Variants in WAPL observed in about 807,000 individuals in gnomAD.
WAPL encodes the protein wings apart-like protein homolog.
WAPL carries 5 observed loss-of-function variants against 121.0 expected under a neutral mutation model. That is an observed-to-expected ratio of 0.04 (90% CI 0.02 to 0.09). The LOEUF (loss-of-function observed/expected upper bound fraction) is 0.09. Ranked by LOEUF, WAPL falls within the 10% of genes least tolerant of loss-of-function variation. The probability of loss-of-function intolerance (pLI) is 1.00; values close to 1 mark genes in which losing one functional copy is unlikely to be tolerated. For synonymous variants in WAPL, 480 were observed against 481.5 expected (o/e 1.00, Z 0.04); for missense variants, 999 against 1,410.8 (o/e 0.71, Z 4.68).
chr10:86,515,798 T>G (rs1387666286), intron 2 of WAPL, among the ~76,000 whole-genome samples: 1 of 151,284 alleles, frequency 6.6e-6, no homozygotes, highest in African/African-American at 2.4e-5. Flanking sequence ...AAAAGTTTGA[T>G]GATTTTAATA....
At chr10:86,446,077 A>G (rs1849610508) in intron 16 of WAPL, among the ~76,000 whole-genome samples, 165 bp downstream of exon 16, 1 of 152,198 alleles carries the variant, frequency 6.6e-6, no homozygotes, top group Admixed American at 6.5e-5. Context: ...TCACTGTGGG[A>G]GAACTACCAC....
intron 2 of WAPL, among the ~76,000 whole-genome samples, chr10:86,508,455 A>G (rs1842392266): frequency 6.6e-6 from 1 of 151,926 alleles, no homozygotes; most frequent in Non-Finnish European, 1.5e-5. Context: ...ACATCCCTCT[A>G]GCTGCCCTTT....
In WAPL at chr10:86,446,503, A is replaced by G. The variant is rs1002271117; in HGVS notation, c.3115-54T>C. 5 of 1,504,392 alleles carry G rather than the reference A, an allele frequency of 3.3e-6. No individual in the cohort carries two copies. The African/African-American group carries it at 4.2e-5, about 13-fold the overall frequency. The allele number at this position is 1,504,392 out of a possible 1,614,324, so 93.2% of individuals were successfully genotyped here. On this transcript the variant is annotated intron_variant, in intron 15 of 18. Coordinates refer to ENST00000298767, the MANE Select transcript of WAPL (RefSeq NM_015045.5). ...AAAAAGAGATTGCCAATCAATATGC[A>G]TATATGCAAATATAAAGTTATAGTT...
rs1330597196 is a variant in WAPL, at chr10:86,483,798, T to TC, written c.1645-9826_1645-9825insG. On this transcript the variant is annotated intron_variant, in intron 4 of 18. Transcript: ENST00000298767. ...AAAAAAAAAAAATTTTTTTTTCTTT[T>TC]TTTTTTTTTTTTTTTTTTGGCAGTC... Among the ~76,000 whole-genome samples, 7 of 127,186 alleles carry TC rather than the reference T, an allele frequency of 5.5e-5. No individual in the cohort carries two copies. In the South Asian group the frequency reaches 8.0e-4, roughly 15 times the overall value. The allele number at this position is 127,186 out of a possible 152,430, so 83.4% of individuals were successfully genotyped here. A position where few individuals can be genotyped will look rare whatever the true frequency, so the allele number is the denominator to read the frequency against.
rs572691616 is a variant in WAPL at position 86,475,978 on chromosome 10, G to A, written c.1645-2005C>T. 6.6e-5 allele frequency among the ~76,000 whole-genome samples: 10 copies of A among 152,316 alleles called. No homozygotes were observed. The South Asian group carries it at 2.1e-3, about 32-fold the overall frequency. ...GGAAGCAGATCACTTGAAGCCAGGA[G>A]TTCACAACAGCCTGGGCAAGAAAGC... is the stretch of plus-strand genomic sequence containing the variant. On this transcript the variant is annotated intron_variant, in intron 4 of 18. Transcript: ENST00000298767.
rs1382177170 is a variant in WAPL, at chr10:86,436,696, T to C, written c.*847A>G. ...GAAAATATATCTAGAGAGTCTTTCC[T>C]CAAAATCTAATAATGTTTTAAGAGC... On this transcript the variant is annotated 3_prime_UTR_variant, in exon 19 of 19. Coordinates refer to ENST00000298767, the MANE Select transcript of WAPL (RefSeq NM_015045.5). The C allele has an allele frequency of 1.3e-5, 2 of 152,658 alleles. No individual in the cohort carries two copies. The highest frequency in any genetic ancestry group is 2.9e-5 in the Non-Finnish European group (2 of 68,038). The allele number at this position is 152,658 out of a possible 1,614,324, so 9.5% of individuals were successfully genotyped here. A position where few individuals can be genotyped will look rare whatever the true frequency, so the allele number is the denominator to read the frequency against.
intron 9 of WAPL, among the ~76,000 whole-genome samples, chr10:86,466,126 G>A (rs1230450420): frequency 6.6e-6 from 1 of 152,110 alleles, no homozygotes; most frequent in Non-Finnish European, 1.5e-5. Flanking sequence ...ATTAAGAGCA[G>A]CCACTGGCCA....
intron 4 of WAPL, among the ~76,000 whole-genome samples, chr10:86,478,474 G>C (rs575805667): frequency 6.6e-6 from 1 of 152,112 alleles, no homozygotes; most frequent in South Asian, 2.1e-4. Flanking sequence ...AAATTAATGA[G>C]AAAAATACTT....
At chr10:86,497,388 T>A in intron 3 of WAPL, 69 bp from the exon 4 acceptor site, 1 of 1,119,886 alleles carries the variant, frequency 8.9e-7, no homozygotes, top group Non-Finnish European at 1.3e-6. Context: ...CCTATCAAGA[T>A]TATATATACA....
At chr10:86,466,461 T>C (rs915980268) in intron 9 of WAPL, among the ~76,000 whole-genome samples, 8 of 152,174 alleles carry the variant, frequency 5.3e-5, no homozygotes, top group African/African-American at 1.4e-4. Context: ...TTCCAGCTAC[T>C]TGGGGGGCTG....
intron 12 of WAPL, 99 bp from the exon 13 acceptor site, chr10:86,453,930 A>T: frequency 1.7e-6 from 2 of 1,147,098 alleles, no homozygotes; most frequent in South Asian, 3.2e-5. Context: ...ATGAAATTTC[A>T]CTTTATTTTG....
intron 5 of WAPL, 136 bp downstream of exon 5, chr10:86,473,742 A>T (rs571607973): frequency 1.6e-6 from 1 of 629,152 alleles, no homozygotes; most frequent in South Asian, 2.3e-5. Flanking sequence ...ACTGAAACTA[A>T]TAAGTTTCAG....
intron 15 of WAPL, among the ~76,000 whole-genome samples, chr10:86,449,463 A>G (rs1840915053): frequency 6.6e-6 from 1 of 152,262 alleles, no homozygotes; most frequent in African/African-American, 2.4e-5. Context: ...GATAAAAGAA[A>G]GACAGAGAAG....
chr10:86,462,527 C>G (rs957008803), intron 9 of WAPL, among the ~76,000 whole-genome samples: 4 of 151,916 alleles, frequency 2.6e-5, no homozygotes, highest in Admixed American at 6.6e-5. Flanking sequence ...TAAGACCAGT[C>G]TGGCCAACAT....
At chr10:86,455,683 T>TAAAAAAAAAAAAAAAAAAAA (rs539594893) in intron 12 of WAPL, among the ~76,000 whole-genome samples, 2 of 29,090 alleles carry the variant, frequency 6.9e-5, no homozygotes. Context: ...CAATAAATAC[T>TAAAAAAAAAAAAAAAAAAAA]AAAAAAAAAA....
intron 2 of WAPL, among the ~76,000 whole-genome samples, chr10:86,513,311 C>T (rs1462493981): frequency 6.6e-6 from 1 of 151,934 alleles, no homozygotes; most frequent in East Asian, 1.9e-4. Flanking sequence ...TCCTAAGTTT[C>T]CTCTTCAAGT....
chr10:86,484,034 A>G (rs1365481087), intron 4 of WAPL, among the ~76,000 whole-genome samples: 2 of 151,940 alleles, frequency 1.3e-5, no homozygotes, highest in African/African-American at 4.8e-5. Context: ...AAAAGATTTT[A>G]AAGTAAAATT....
chr10:86,521,753 G>A lies in WAPL; in HGVS notation c.-411C>T, dbSNP rs1419586051. The A allele has an allele frequency of 1.1e-5, 5 of 445,812 alleles. No homozygotes were observed. The highest frequency in any genetic ancestry group is 4.3e-5 in the African/African-American group (2 of 46,868). The allele number at this position is 445,812 out of a possible 1,614,324, so 27.6% of individuals were successfully genotyped here. On this transcript the variant is annotated 5_prime_UTR_variant, in exon 1 of 19. Transcript: ENST00000298767. ...CATCTCAACGCCATTTGCGCTCCCGGCCCCCACCTCCTTCCTCCAACAGCC... is the reference window on the plus strand; with the variant it reads ...CATCTCAACGCCATTTGCGCTCCCGACCCCCACCTCCTTCCTCCAACAGCC...
Position 86,473,956 on chromosome 10 carries a change from T to C in WAPL, c.1662A>G (p.Val554=). The change falls in exon 5 of 19, where the codon GTA becomes GTG. Residue 554 remains valine, a synonymous_variant. Coordinates refer to ENST00000298767, the MANE Select transcript of WAPL (RefSeq NM_015045.5). ...SGPKRSPTKA[V]YNARHWNHPD... The stretch of plus-strand genomic sequence containing the variant: ...GATGATTCCAATGTCTGGCATTATA[T>C]ACAGCTTTTGTGGGTGACTAGAGAA... 6.2e-7 allele frequency: 1 copy of C among 1,614,028 alleles called. No homozygotes were observed. The highest frequency in any genetic ancestry group is 8.5e-7 in the Non-Finnish European group (1 of 1,179,932).
Sources: allele counts gnomAD v4.1 joint callset (sites outside exome capture counted in the v4.1 genomes callset), GRCh38; gene constraint gnomAD v4.1.1; transcripts MANE v1.5; gene names NCBI Gene and HGNC (gene_info 2026-07-23, HGNC 2026-07-21).